Variants in FAT3 observed in about 807,000 individuals in gnomAD.
FAT3 encodes protocadherin Fat 3.
In FAT3, 95 loss-of-function variants were observed where a neutral mutation model predicts 310.2. That is an observed-to-expected ratio of 0.31 (90% CI 0.26 to 0.36). The LOEUF is 0.36. Ranked by LOEUF, FAT3 falls within the 10% of genes least tolerant of loss-of-function variation. FAT3 has a pLI of 1.00. For synonymous variants in FAT3, 2,314 were observed against 2,192.9 expected (o/e 1.06, Z -1.54); for missense variants, 5,408 against 5,715.6 (o/e 0.95, Z 1.74).
chr11:92,785,989 T>C (rs1023082819), intron 7 of FAT3, among the ~76,000 whole-genome samples: 13 of 152,098 alleles, frequency 8.5e-5, no homozygotes, highest in African/African-American at 3.1e-4. Flanking sequence ...GATAAACCAA[T>C]GGAACAGAAT....
At chr11:92,858,364 T>C (rs553182214) in intron 20 of FAT3, among the ~76,000 whole-genome samples, 14 of 152,320 alleles carry the variant, frequency 9.2e-5, no homozygotes, top group South Asian at 6.2e-4. Flanking sequence ...AGGGGGATCA[T>C]AAAGCCAAAT....
At chr11:92,552,693 A>G (rs1161889868) in intron 3 of FAT3, among the ~76,000 whole-genome samples, 2 of 152,116 alleles carry the variant, frequency 1.3e-5, no homozygotes, top group African/African-American at 4.8e-5. Context: ...ATTTGTTGAC[A>G]TTTTTGCTGT....
chr11:92,837,815 A>T lies in FAT3; in HGVS notation c.10368+9A>T, dbSNP rs1948444706. The T allele has an allele frequency of 6.2e-7, 1 of 1,613,850 alleles. No homozygotes were observed. The highest frequency in any genetic ancestry group is 8.5e-7 in the Non-Finnish European group (1 of 1,179,868). ...ATACTGCTGTGATTCAGGTGAGAAAATCTTGCCTGCCAAGCACTTGTCCCT... is the reference window on the plus strand; with the variant it reads ...ATACTGCTGTGATTCAGGTGAGAAATTCTTGCCTGCCAAGCACTTGTCCCT... On this transcript the variant is annotated intron_variant, in intron 17 of 27. Coordinates refer to ENST00000525166, the MANE Select transcript of FAT3 (RefSeq NM_001367949.2).
At chr11:92,847,972 T>A (rs953220544) in intron 19 of FAT3, among the ~76,000 whole-genome samples, 1 of 151,758 alleles carries the variant, frequency 6.6e-6, no homozygotes, top group African/African-American at 2.4e-5. Flanking sequence ...CACACTCACA[T>A]GCAATTAGTA....
chr11:92,480,519 G>A (rs1952193527), intron 2 of FAT3, among the ~76,000 whole-genome samples: 1 of 152,208 alleles, frequency 6.6e-6, no homozygotes, highest in Admixed American at 6.5e-5. Context: ...TGAAAGGCAA[G>A]AGGAACAGCT....
chr11:92,841,091 C>T (rs1948537402), intron 18 of FAT3, among the ~76,000 whole-genome samples: 1 of 152,176 alleles, frequency 6.6e-6, no homozygotes, highest in South Asian at 2.1e-4. Flanking sequence ...GGGACAGCTA[C>T]CAATCCCTGT....
chr11:92,647,163 C>T (rs1358799883), intron 3 of FAT3, among the ~76,000 whole-genome samples: 1 of 152,038 alleles, frequency 6.6e-6, no homozygotes, highest in African/African-American at 2.4e-5. Flanking sequence ...AATTATCTTT[C>T]GTTTTGCTCT....
chr11:92,741,128 ACTTTT>A (rs1945495837), intron 4 of FAT3, among the ~76,000 whole-genome samples: 1 of 152,146 alleles, frequency 6.6e-6, no homozygotes, highest in Non-Finnish European at 1.5e-5. Flanking sequence ...TGCAGCCTGC[ACTTTT>A]TGTGCTCAAG....
At chr11:92,303,483 T>C (rs1947049076) in intron 1 of FAT3, among the ~76,000 whole-genome samples, 1 of 152,100 alleles carries the variant, frequency 6.6e-6, no homozygotes, top group African/African-American at 2.4e-5. Context: ...AACCTAGATA[T>C]GTAACACATT....
At chr11:92,871,632 G>A (rs1480679386) in intron 22 of FAT3, among the ~76,000 whole-genome samples, 1 of 152,146 alleles carries the variant, frequency 6.6e-6, no homozygotes, top group Non-Finnish European at 1.5e-5. Context: ...CTTGCCTCCA[G>A]TATTTGCTGT....
chr11:92,242,672 A>C (rs985175897), intron 1 of FAT3, among the ~76,000 whole-genome samples: 1 of 152,034 alleles, frequency 6.6e-6, no homozygotes, highest in Non-Finnish European at 1.5e-5. Flanking sequence ...GCTGTAGTTC[A>C]TGTGTTCTGC....
At chr11:92,453,251 C>T (rs1056766549) in intron 2 of FAT3, among the ~76,000 whole-genome samples, 1 of 152,172 alleles carries the variant, frequency 6.6e-6, no homozygotes, top group Non-Finnish European at 1.5e-5. Flanking sequence ...CAGATTATTA[C>T]TCAGATGCTG....
intron 21 of FAT3, among the ~76,000 whole-genome samples, chr11:92,859,554 G>A (rs150200237): frequency 4.1e-4 from 62 of 152,258 alleles, no homozygotes; most frequent in African/African-American, 1.4e-3. Context: ...TCTTGAGAGC[G>A]GGTTCAAGGG....
At chr11:92,404,918 C>T (rs1172147267) in intron 2 of FAT3, among the ~76,000 whole-genome samples, 1 of 152,006 alleles carries the variant, frequency 6.6e-6, no homozygotes, top group Non-Finnish European at 1.5e-5. Context: ...CCTTCAGACT[C>T]AGATGGTAAC....
At chr11:92,456,894 T>C (rs1487177471) in intron 2 of FAT3, among the ~76,000 whole-genome samples, 3 of 152,192 alleles carry the variant, frequency 2.0e-5, no homozygotes, top group East Asian at 1.9e-4. Context: ...GACTGCCTTA[T>C]GCCTACATGA....
chr11:92,322,102 G>T (rs1187774633), intron 1 of FAT3, among the ~76,000 whole-genome samples: 3 of 152,142 alleles, frequency 2.0e-5, no homozygotes, highest in African/African-American at 7.2e-5. Flanking sequence ...GTAAGATAAT[G>T]AAATACCACA....
In FAT3 at chr11:92,891,095, G is replaced by A. The variant is rs2136450820; in HGVS notation, c.13752G>A (p.Gln4584=). The stretch of plus-strand genomic sequence containing the variant: ...TTCACATTCCCTTTGTGGAGACTCA[G>A]CATCAGACTCAAGTGTAGACATCAC... ...ASLHIPFVET[Q]HQTQV is the part of the protein sequence containing the mutation. Residue 4584 remains glutamine, a synonymous_variant, in exon 28 of 28, where the codon CAG becomes CAA. Coordinates refer to ENST00000525166, the MANE Select transcript of FAT3 (RefSeq NM_001367949.2). 6.2e-7 allele frequency: 1 copy of A among 1,613,592 alleles called. No homozygotes were observed. Among genetic ancestry groups the A allele is most frequent in the Non-Finnish European group, 8.5e-7 (1 of 1,179,802 alleles).
chr11:92,646,370 TG>T (rs1400136584), intron 3 of FAT3, among the ~76,000 whole-genome samples: 2 of 152,230 alleles, frequency 1.3e-5, no homozygotes, highest in Non-Finnish European at 2.9e-5. Context: ...GCTAGTTGTC[TG>T]AGAAGATAAG....
chr11:92,231,831 T>C (rs1864195356), intron 1 of FAT3, among the ~76,000 whole-genome samples: 1 of 151,846 alleles, frequency 6.6e-6, no homozygotes, highest in South Asian at 2.1e-4. Context: ...AGATAAATTC[T>C]ATGTAAGTCT....
Sources: gnomAD v4.1 joint callset for allele counts (sites outside exome capture counted in the v4.1 genomes callset) on GRCh38, gnomAD v4.1.1 for gene constraint, MANE v1.5 for transcripts, NCBI Gene and HGNC (gene_info 2026-07-23, HGNC 2026-07-21) for gene names.